The following CDC123 variants were observed in gnomAD, a reference collection of about 807,000 sequenced individuals.
CDC123 encodes cell division cycle 123.
CDC123 carries 37 observed loss-of-function variants against 54.4 expected under a neutral mutation model. The ratio of observed to expected loss-of-function variants is 0.68; its 90% CI spans 0.52 to 0.89. The LOEUF (loss-of-function observed/expected upper bound fraction) is 0.89. Among genes scored for constraint, CDC123 ranks in the 40% least tolerant of loss-of-function variants. CDC123 has a pLI of 0.00. For synonymous variants in CDC123, 144 were observed against 136.8 expected (o/e 1.05, Z -0.37); for missense variants, 361 against 412.1 (o/e 0.88, Z 1.07).
chr10:12,218,754 A>G (rs1371679511), intron 6 of CDC123, among the ~76,000 whole-genome samples: 1 of 152,194 alleles, frequency 6.6e-6, no homozygotes, highest in African/African-American at 2.4e-5. Flanking sequence ...ATAAGTTTCT[A>G]GAAGTGGAAT....
chr10:12,203,389 T>C (rs1219096221), intron 2 of CDC123, among the ~76,000 whole-genome samples: 1 of 152,220 alleles, frequency 6.6e-6, no homozygotes, highest in Non-Finnish European at 1.5e-5. Flanking sequence ...TTTCTCTCCA[T>C]GGTAACCTCT....
chr10:12,243,172 G>A (rs913396057), intron 10 of CDC123, among the ~76,000 whole-genome samples: 1 of 151,918 alleles, frequency 6.6e-6, no homozygotes, highest in Non-Finnish European at 1.5e-5. Flanking sequence ...GCCTAGGCGG[G>A]CAGATCACCT....
chr10:12,230,951 T>G lies in CDC123; in HGVS notation c.444T>G (p.Phe148Leu), dbSNP rs754739630. Residue 148 changes from phenylalanine to leucine, a missense_variant, in exon 7 of 13, where the codon TTT (phenylalanine) becomes TTG (leucine). Transcript: ENST00000281141. ...DFITRDFTQP[F>L]IHCTDDSPDP... ...GCCTTTTCTTCTTCTTCCAAAGGTTTATTCATTGTACTGATGATTCTCCAG... is the reference window on the plus strand; with the variant it reads ...GCCTTTTCTTCTTCTTCCAAAGGTTGATTCATTGTACTGATGATTCTCCAG... 10 of 1,611,938 alleles carry G rather than the reference T, an allele frequency of 6.2e-6. No individual in the cohort carries two copies. Among genetic ancestry groups the G allele is most frequent in the Non-Finnish European group, 8.5e-6 (10 of 1,179,428 alleles).
rs561501335 is a variant in CDC123 at position 12,227,003 on chromosome 10, C to T, written c.441-3945C>T. ...GTGAGCGAGACTCCGTCTGCAATCC[C>T]GGCACTTTGGGAGGCCGAGGCTAGC... On this transcript the variant is annotated intron_variant, in intron 6 of 12. Transcript: ENST00000281141. 3.3e-3 allele frequency among the ~76,000 whole-genome samples: 499 copies of T among 152,268 alleles called. 2 individuals are homozygous for T. The highest frequency in any genetic ancestry group is 0.011 in the African/African-American group (461 of 41,558).
In CDC123 at chr10:12,199,437, A is replaced by G. The variant is rs75265844; in HGVS notation, c.146+661A>G. Among the ~76,000 whole-genome samples, 1,380 of 152,234 alleles carry G rather than the reference A, an allele frequency of 9.1e-3. 8 individuals carry two copies. The highest frequency in any genetic ancestry group is 0.015 in the Non-Finnish European group (1,008 of 68,022). On this transcript the variant is annotated intron_variant, in intron 2 of 12. Transcript: ENST00000281141. ...ACCTCCCTTCATTTTTCTGCATAAC[A>G]CTTACTTCCACCTGACAATTGTTAA...
At chr10:12,246,488 C>G (rs1331648329) in intron 11 of CDC123, 5 of 470,896 alleles carry the variant, frequency 1.1e-5, no homozygotes, top group South Asian at 1.0e-4. Context: ...ATCATCTGAT[C>G]AGTTTTTTTA....
chr10:12,224,965 TCCCTATTTCTTCCTTTC>T (rs1835787276), intron 6 of CDC123, among the ~76,000 whole-genome samples: 1 of 152,118 alleles, frequency 6.6e-6, no homozygotes, highest in Non-Finnish European at 1.5e-5. Flanking sequence ...TCCTTCCTTT[TCCCTATTTCTTCCTTTC>T]CCCAAGAATG....
intron 9 of CDC123, 94 bp downstream of exon 9, chr10:12,237,360 T>G: frequency 6.0e-6 from 6 of 1,005,956 alleles, no homozygotes; most frequent in Non-Finnish European, 8.1e-6. Context: ...TAACTAGATT[T>G]GAAATACTGT....
chr10:12,207,965 T>C (rs542823833), intron 2 of CDC123, among the ~76,000 whole-genome samples: 86 of 152,342 alleles, frequency 5.6e-4, no homozygotes, highest in African/African-American at 1.9e-3. Flanking sequence ...TTCCTTTCCA[T>C]GTTCCAGGAT....
intron 4 of CDC123, among the ~76,000 whole-genome samples, chr10:12,211,473 G>A (rs1835600021): frequency 6.6e-6 from 1 of 152,174 alleles, no homozygotes; most frequent in African/African-American, 2.4e-5. Flanking sequence ...GCCAGCAGGT[G>A]CCTAAGTGGA....
chr10:12,234,166 C>G (rs1299748414), intron 7 of CDC123, among the ~76,000 whole-genome samples: 1 of 152,176 alleles, frequency 6.6e-6, no homozygotes, highest in Non-Finnish European at 1.5e-5. Context: ...GCAATCTCGG[C>G]TCACTGCAAC....
intron 10 of CDC123, among the ~76,000 whole-genome samples, chr10:12,240,193 T>C (rs1379408085): frequency 6.6e-6 from 1 of 152,192 alleles, no homozygotes; most frequent in African/African-American, 2.4e-5. Context: ...GCTGACTTAA[T>C]GAAGAATTAC....
chr10:12,226,075 G>C (rs1195960688), intron 6 of CDC123, among the ~76,000 whole-genome samples: 1 of 151,968 alleles, frequency 6.6e-6, no homozygotes, highest in Admixed American at 6.6e-5. Context: ...CACGGGGTTG[G>C]GGGTAAGGTT....
Position 12,230,983 on chromosome 10 carries a change from G to T in CDC123, c.476G>T (p.Cys159Phe), listed in dbSNP as rs781402437. The T allele has an allele frequency of 6.2e-7, 1 of 1,610,914 alleles. No individual in the cohort carries two copies. The highest frequency in any genetic ancestry group is 1.3e-5 in the African/African-American group (1 of 74,812). Residue 159 changes from cysteine to phenylalanine, a missense_variant, in exon 7 of 13, where the codon TGT (cysteine) becomes TTT (phenylalanine). Transcript: ENST00000281141. ...TGTACTGATGATTCTCCAGATCCAT[G>T]TATAGAATATGAGGTAAGAAGCTTA... ...IHCTDDSPDP[C>F]IEYELVLRKW...
At chr10:12,225,696 C>T (rs1835801612) in intron 6 of CDC123, among the ~76,000 whole-genome samples, 2 of 150,302 alleles carry the variant, frequency 1.3e-5, no homozygotes, top group South Asian at 4.2e-4. Context: ...CAACTATGAG[C>T]CAGTCCCAAA....
At chr10:12,238,587 A>T in intron 10 of CDC123, 102 bp downstream of exon 10, 1 of 1,423,282 alleles carries the variant, frequency 7.0e-7, no homozygotes, top group Non-Finnish European at 9.6e-7. Flanking sequence ...TGCTCAAAAA[A>T]TATTTTGTCT....
chr10:12,217,211 A>G, intron 5 of CDC123, 150 bp from the exon 6 acceptor site: 1 of 627,264 alleles, frequency 1.6e-6, no homozygotes, highest in Non-Finnish European at 2.5e-6. Context: ...TGTTAAGCAT[A>G]ATTTAACATT....
At chr10:12,222,240 T>C (rs1450170373) in intron 6 of CDC123, among the ~76,000 whole-genome samples, 1 of 152,258 alleles carries the variant, frequency 6.6e-6, no homozygotes, top group Non-Finnish European at 1.5e-5. Context: ...TCCCTGCCTA[T>C]AATGTACTCT....
chr10:12,202,959 G>A (rs1336387394), intron 2 of CDC123, among the ~76,000 whole-genome samples: 1 of 152,254 alleles, frequency 6.6e-6, no homozygotes, highest in East Asian at 1.9e-4. Flanking sequence ...AGGTTGCAGT[G>A]AGCTGAGATC....
Sources: allele counts gnomAD v4.1 joint callset (sites outside exome capture counted in the v4.1 genomes callset), GRCh38; gene constraint gnomAD v4.1.1; transcripts MANE v1.5; gene names NCBI Gene and HGNC (gene_info 2026-07-23, HGNC 2026-07-21).